The following NOX3 variants were observed in gnomAD, a reference collection of about 807,000 sequenced individuals.
NOX3 encodes the protein NADPH oxidase catalytic subunit-like 3.
Under a neutral mutation model 76.7 loss-of-function variants are expected in NOX3, and 74 were observed. The ratio of observed to expected loss-of-function variants is 0.96; its 90% CI spans 0.80 to 1.17. The LOEUF (loss-of-function observed/expected upper bound fraction) is 1.17, where lower values mean the gene tolerates loss of function less well. Ranked by LOEUF, NOX3 falls within the 50% of genes most tolerant of loss-of-function variation. NOX3 has a pLI of 0.00. For synonymous variants in NOX3, 263 were observed against 261.1 expected, an observed-to-expected ratio of 1.01 and a Z score of -0.07; for missense variants, 695 against 703.3, an observed-to-expected ratio of 0.99 and a Z score of 0.13.
intron 12 of NOX3, among the ~76,000 whole-genome samples, chr6:155,404,378 A>T (rs577899529): frequency 2.6e-5 from 4 of 152,260 alleles, no homozygotes; most frequent in South Asian, 4.2e-4. Context: ...TGCAGAAGCC[A>T]GGATGGGTTG....
At chr6:155,409,578 C>G (rs999201890) in intron 11 of NOX3, among the ~76,000 whole-genome samples, 2 of 152,210 alleles carry the variant, frequency 1.3e-5, no homozygotes, top group African/African-American at 4.8e-5. Flanking sequence ...CACAATACCT[C>G]TTCCATCTGT....
At chr6:155,447,329 G>A (rs938070714) in intron 4 of NOX3, among the ~76,000 whole-genome samples, 2 of 152,098 alleles carry the variant, frequency 1.3e-5, no homozygotes, top group Non-Finnish European at 2.9e-5. Flanking sequence ...GAGCCACCAC[G>A]CCTGGCTTTA....
chr6:155,452,925 T>G (rs1777166109), intron 4 of NOX3, among the ~76,000 whole-genome samples: 1 of 152,234 alleles, frequency 6.6e-6, no homozygotes, highest in Non-Finnish European at 1.5e-5. Context: ...AAGCTTCATG[T>G]CTTTTCAAGA....
At chr6:155,417,732 A>G (rs935434084) in intron 10 of NOX3, among the ~76,000 whole-genome samples, 18 of 152,206 alleles carry the variant, frequency 1.2e-4, no homozygotes, top group African/African-American at 4.3e-4. Flanking sequence ...TGCATTTTTC[A>G]TTCACTAGAA....
At chr6:155,419,044 C>T (rs1364617544) in intron 10 of NOX3, among the ~76,000 whole-genome samples, 2 of 152,132 alleles carry the variant, frequency 1.3e-5, no homozygotes, top group Non-Finnish European at 2.9e-5. Context: ...GTGAAGACAC[C>T]GTTAGATAAA....
At chr6:155,407,060 T>G in intron 12 of NOX3, 70 bp downstream of exon 12, 1 of 1,575,430 alleles carries the variant, frequency 6.3e-7, no homozygotes, top group Non-Finnish European at 8.7e-7. Flanking sequence ...AGATTAACTT[T>G]TCACTCCAGC....
chr6:155,421,033 G>T (rs1424048484), intron 10 of NOX3, among the ~76,000 whole-genome samples: 1 of 152,192 alleles, frequency 6.6e-6, no homozygotes, highest in Non-Finnish European at 1.5e-5. Flanking sequence ...CAGTATTTCA[G>T]TCAGGGTGGA....
chr6:155,444,700 T>C (rs528782854), intron 4 of NOX3, among the ~76,000 whole-genome samples: 1 of 152,324 alleles, frequency 6.6e-6, no homozygotes, highest in South Asian at 2.1e-4. Flanking sequence ...TAAGTGCTTA[T>C]TTATGATGAA....
chr6:155,396,770 G>A, intron 13 of NOX3, 39 bp downstream of exon 13: 10 of 1,521,662 alleles, frequency 6.6e-6, no homozygotes, highest in South Asian at 1.3e-5. Context: ...TATGGGAAGA[G>A]TTTCCCAATC....
intron 4 of NOX3, among the ~76,000 whole-genome samples, chr6:155,450,658 G>A (rs939780775): frequency 6.6e-6 from 1 of 152,136 alleles, no homozygotes; most frequent in Non-Finnish European, 1.5e-5. Context: ...TGAGTCCTGG[G>A]CATGGCCATA....
At chr6:155,440,193 T>G in intron 5 of NOX3, 56 bp from the exon 6 acceptor site, 1 of 1,379,760 alleles carries the variant, frequency 7.2e-7, no homozygotes, top group Non-Finnish European at 9.8e-7. Context: ...CACCTTGACA[T>G]TAAATATCCT....
intron 5 of NOX3, among the ~76,000 whole-genome samples, chr6:155,440,935 T>A (rs1776977120): frequency 6.6e-6 from 1 of 152,172 alleles, no homozygotes; most frequent in African/African-American, 2.4e-5. Context: ...CTCTTGCTTT[T>A]TAATTGGAAA....
intron 10 of NOX3, among the ~76,000 whole-genome samples, chr6:155,420,542 A>T (rs891806391): frequency 9.9e-5 from 15 of 152,166 alleles, no homozygotes; most frequent in African/African-American, 3.1e-4. Flanking sequence ...TGCCAGAAGG[A>T]TCTAGATTCA....
chr6:155,430,730 G>A (rs1776820740), intron 8 of NOX3, 113 bp downstream of exon 8: 1 of 646,626 alleles, frequency 1.5e-6, no homozygotes, highest in Non-Finnish European at 2.7e-6. Flanking sequence ...CAGAAGATGA[G>A]CCTCTAAATT....
chr6:155,432,138 A>G (rs959845657), intron 7 of NOX3, among the ~76,000 whole-genome samples: 9 of 152,098 alleles, frequency 5.9e-5, no homozygotes, highest in Non-Finnish European at 8.8e-5. Context: ...TGATACATAC[A>G]ATGTATCATG....
intron 9 of NOX3, among the ~76,000 whole-genome samples, chr6:155,425,950 C>T (rs1188390276): frequency 1.3e-5 from 2 of 152,124 alleles, no homozygotes; most frequent in Non-Finnish European, 2.9e-5. Context: ...GCTTGCTTCC[C>T]CTCCTGGGCA....
intron 4 of NOX3, among the ~76,000 whole-genome samples, chr6:155,445,938 G>GATATATTATATATATGCTATAT (rs1777056033): frequency 7.8e-6 from 1 of 128,822 alleles, no homozygotes; most frequent in South Asian, 2.3e-4. Flanking sequence ...ATATGCTATA[G>GATATATTATATATATGCTATAT]ATATATAATA....
intron 5 of NOX3, among the ~76,000 whole-genome samples, chr6:155,441,079 A>G (rs1015510464): frequency 6.6e-6 from 1 of 152,220 alleles, no homozygotes; most frequent in Non-Finnish European, 1.5e-5. Flanking sequence ...CTGACCTGTG[A>G]GTGCAAGGGA....
At chr6:155,407,988 G>T (rs1776487200) in intron 11 of NOX3, among the ~76,000 whole-genome samples, 1 of 152,082 alleles carries the variant, frequency 6.6e-6, no homozygotes, top group Non-Finnish European at 1.5e-5. Context: ...GTATGTTTTT[G>T]TGTTTTTTGA....
Sources: allele counts gnomAD v4.1 joint callset (sites outside exome capture counted in the v4.1 genomes callset), GRCh38; gene constraint gnomAD v4.1.1; transcripts MANE v1.5; gene names NCBI Gene and HGNC (gene_info 2026-07-23, HGNC 2026-07-21).